FUT8: variants seen among roughly 807,000 people sequenced by gnomAD.
The protein encoded by FUT8 is fucosyltransferase 8, also known as alpha-(1,6)-fucosyltransferase.
FUT8 carries 29 observed loss-of-function variants against 71.3 expected under a neutral mutation model. That is an observed-to-expected ratio of 0.41 (90% CI 0.30 to 0.55). FUT8 has a LOEUF of 0.55. FUT8 is among the 20% of genes least tolerant of loss of function. FUT8 has a pLI of 0.34. For synonymous variants in FUT8, 254 were observed against 239.3 expected, an observed-to-expected ratio of 1.06 and a Z score of -0.57; for missense variants, 544 against 702.1, an observed-to-expected ratio of 0.77 and a Z score of 2.55.
At chr14:65,680,117 CTGAGAA>C (rs1892965844) in intron 7 of FUT8, among the ~76,000 whole-genome samples, 1 of 152,136 alleles carries the variant, frequency 6.6e-6, no homozygotes, top group Non-Finnish European at 1.5e-5. Context: ...GTTATCAAGT[CTGAGAA>C]GTTCCACGAT....
At chr14:65,511,487 G>A (rs1227090458) in intron 2 of FUT8, among the ~76,000 whole-genome samples, 1 of 152,102 alleles carries the variant, frequency 6.6e-6, no homozygotes, top group African/African-American at 2.4e-5. Context: ...CTGAAAGTGG[G>A]ATGTTGAAAT....
At position 65,611,197 on chromosome 14, in the gene FUT8, ACGCGCGCGCGCGCGCGCG is replaced by A. The variant is rs112404723; in HGVS notation, c.204-4771_204-4754del. Among the ~76,000 whole-genome samples the A allele has an allele frequency of 2.5e-3, 154 of 61,358 alleles. 4 individuals are homozygous for A. Among genetic ancestry groups the A allele is most frequent in the African/African-American group, 0.01 (138 of 13,582 alleles). The allele number at this position is 61,358 out of a possible 152,430, so 40.3% of individuals were successfully genotyped here. ...TTTTAAGTGTCATACACACACACACACGCGCGCGCGCGCGCGCGCGCGCGCGCACACACACACACACAC... is the reference window on the plus strand; with the variant it reads ...TTTTAAGTGTCATACACACACACACACGCGCGCGCACACACACACACACAC... On this transcript the variant is annotated intron_variant, in intron 3 of 10. Coordinates refer to ENST00000673929, the MANE Select transcript of FUT8 (RefSeq NM_001371533.1).
intron 10 of FUT8, among the ~76,000 whole-genome samples, chr14:65,740,181 C>T (rs1896425733): frequency 6.6e-6 from 1 of 151,896 alleles, no homozygotes; most frequent in African/African-American, 2.4e-5. Flanking sequence ...ATGACATTGC[C>T]AATATAATCG....
At chr14:65,641,023 A>G (rs996644968) in intron 6 of FUT8, among the ~76,000 whole-genome samples, 3 of 152,148 alleles carry the variant, frequency 2.0e-5, no homozygotes, top group African/African-American at 7.2e-5. Context: ...ATTGAGATAT[A>G]GTTGACACAA....
rs116139660 is a variant in FUT8 at position 65,680,330 on chromosome 14, G to C, written c.835+10850G>C. Among the ~76,000 whole-genome samples, 156 of 152,278 alleles carry C rather than the reference G, an allele frequency of 1.0e-3. 1 individual carries two copies. The highest frequency in any genetic ancestry group is 3.6e-3 in the African/African-American group (149 of 41,560). ...TTCTTCCAGAAACTTTATAGTTTTA[G>C]CTTTTGCATTTATGTCTATGATCTC... On this transcript the variant is annotated intron_variant, in intron 7 of 10. Transcript: ENST00000673929.
chr14:65,358,410 A>C, the FUT8 span, among the ~76,000 whole-genome samples: 1,881 of 152,302 alleles, frequency 0.012, 17 homozygotes, highest in South Asian at 0.023. Flanking sequence ...TCACATGTAC[A>C]AAAATGTTGA....
At chr14:65,496,488 C>T (rs1053116217) in intron 2 of FUT8, among the ~76,000 whole-genome samples, 2 of 152,062 alleles carry the variant, frequency 1.3e-5, no homozygotes, top group African/African-American at 2.4e-5. Flanking sequence ...TGGGAGGTGA[C>T]TGGATCATGG....
the FUT8 span, among the ~76,000 whole-genome samples, chr14:65,374,858 C>T: frequency 7.1e-3 from 1,071 of 151,810 alleles, 11 homozygotes; most frequent in African/African-American, 0.025. Flanking sequence ...CTTCTGCCTC[C>T]CAAAGTGCTG....
intron 6 of FUT8, among the ~76,000 whole-genome samples, chr14:65,663,373 A>C (rs1566882381): frequency 6.7e-6 from 1 of 149,112 alleles, no homozygotes; most frequent in African/African-American, 2.5e-5. Context: ...TTGTTGCTTT[A>C]TTTTTTTTTT....
chr14:65,616,057 G>T lies in FUT8; in HGVS notation c.283G>T (p.Glu95Ter), dbSNP rs1185403247. 6.2e-7 allele frequency: 1 copy of T among 1,613,814 alleles called. No homozygotes were observed. Among genetic ancestry groups the T allele is most frequent in the Non-Finnish European group, 8.5e-7 (1 of 1,179,878 alleles). The change falls in exon 4 of 11, where the codon GAA (glutamate) becomes TAA (stop). Residue 95 changes from glutamate (E) to a stop codon, truncating the protein, a stop_gained. Coordinates refer to ENST00000673929, the MANE Select transcript of FUT8 (RefSeq NM_001371533.1). LOFTEE classifies it high-confidence loss of function. ...AGAAGAGCAGCTTGTTAAGGCCAAA[G>T]AACAGATTGAAAATTACAAGAAACA... ...VLEEQLVKAK[E>*]QIENYKKQTR...
rs112404723 is a variant in FUT8 at position 65,611,197 on chromosome 14, ACGCGCGCGCGCGCGCGCGCG to A, written c.204-4773_204-4754del. Among the ~76,000 whole-genome samples the A allele has an allele frequency of 2.3e-4, 14 of 61,376 alleles. 1 individual carries two copies. The highest frequency in any genetic ancestry group is 1.0e-3 in the African/African-American group (14 of 13,594). The allele number at this position is 61,376 out of a possible 152,430, so 40.3% of individuals were successfully genotyped here. ...TTTTAAGTGTCATACACACACACAC[ACGCGCGCGCGCGCGCGCGCG>A]CGCGCGCACACACACACACACACAC... On this transcript the variant is annotated intron_variant, in intron 3 of 10. Coordinates refer to ENST00000673929, the MANE Select transcript of FUT8 (RefSeq NM_001371533.1).
chr14:65,357,314 G>A, the FUT8 span, among the ~76,000 whole-genome samples: 44 of 152,248 alleles, frequency 2.9e-4, no homozygotes, highest in Admixed American at 7.8e-4. Context: ...CAGAAGCCTC[G>A]GGCAAGTCTC....
At chr14:65,702,411 C>T (rs1171327381) in intron 7 of FUT8, among the ~76,000 whole-genome samples, 2 of 151,272 alleles carry the variant, frequency 1.3e-5, no homozygotes, top group Non-Finnish European at 2.9e-5. Context: ...TGAGATAATG[C>T]GTTGGAAACA....
At position 65,412,793 on chromosome 14, in the gene FUT8, C is replaced by T. The variant is rs966640432; in HGVS notation, c.-747C>T. 5.9e-6 allele frequency: 1 copy of T among 169,342 alleles called. No homozygotes were observed. Among genetic ancestry groups the T allele is most frequent in the Admixed American group, 6.4e-5 (1 of 15,560 alleles). 10.5% of individuals were successfully genotyped at this position (169,342 alleles called of 1,614,324 possible). A position where few individuals can be genotyped will look rare whatever the true frequency, so the allele number is the denominator to read the frequency against. On this transcript the variant is annotated 5_prime_UTR_variant, in exon 1 of 11. Coordinates refer to ENST00000673929, the MANE Select transcript of FUT8 (RefSeq NM_001371533.1). Reference sequence around the variant, plus strand: ...GCCTGCGCTCGTTGTCAGAGCCGCTCCGGCGCGTGCGCGCGTTATCTCCGG... The same window carrying T: ...GCCTGCGCTCGTTGTCAGAGCCGCTTCGGCGCGTGCGCGCGTTATCTCCGG...
intron 6 of FUT8, among the ~76,000 whole-genome samples, chr14:65,630,535 G>T (rs1890130763): frequency 6.6e-6 from 1 of 152,158 alleles, no homozygotes; most frequent in Non-Finnish European, 1.5e-5. Context: ...TCTGAAACTA[G>T]TATTTTAGTT....
intron 1 of FUT8, among the ~76,000 whole-genome samples, chr14:65,430,925 T>G (rs553065140): frequency 6.6e-6 from 1 of 152,062 alleles, no homozygotes; most frequent in East Asian, 1.9e-4. Flanking sequence ...TCTAAAATAC[T>G]TGGTTGCATT....
intron 6 of FUT8, among the ~76,000 whole-genome samples, chr14:65,655,930 C>CA (rs1000814809): frequency 7.9e-5 from 12 of 152,216 alleles, no homozygotes; most frequent in African/African-American, 2.2e-4. Context: ...TAAAAACCCT[C>CA]AAAAAACTCG....
intron 2 of FUT8, among the ~76,000 whole-genome samples, chr14:65,537,859 C>T (rs957933057): frequency 3.9e-5 from 6 of 152,106 alleles, no homozygotes; most frequent in African/African-American, 4.8e-5. Context: ...CTGGAGTGGC[C>T]GAGGTGCCCT....
At chr14:65,618,466 C>T (rs1889425198) in intron 5 of FUT8, among the ~76,000 whole-genome samples, 1 of 151,910 alleles carries the variant, frequency 6.6e-6, no homozygotes, top group Admixed American at 6.6e-5. Flanking sequence ...GTTTATTTTC[C>T]TGTCTTAAAC....
Sources: gnomAD v4.1 joint callset for allele counts (sites outside exome capture counted in the v4.1 genomes callset) on GRCh38, gnomAD v4.1.1 for gene constraint, MANE v1.5 for transcripts, NCBI Gene and HGNC (gene_info 2026-07-23, HGNC 2026-07-21) for gene names.